SPIDR: variants seen among roughly 807,000 people sequenced by gnomAD.
SPIDR encodes the protein DNA repair-scaffolding protein.
SPIDR carries 93 observed loss-of-function variants against 104.6 expected under a neutral mutation model. The ratio of observed to expected loss-of-function variants is 0.89; its 90% CI spans 0.75 to 1.06. The LOEUF (loss-of-function observed/expected upper bound fraction) is 1.06. SPIDR is among the 50% of genes least tolerant of loss of function. The pLI, the probability that SPIDR is intolerant of heterozygous loss-of-function variation, is 0.00. For missense variants in SPIDR, 1,154 were observed against 1,111.2 expected (o/e 1.04, Z -0.55); for synonymous variants, 431 against 416.9 (o/e 1.03, Z -0.41).
intron 10 of SPIDR, among the ~76,000 whole-genome samples, chr8:47,619,875 A>G (rs947172779): frequency 5.9e-5 from 9 of 152,100 alleles, no homozygotes; most frequent in South Asian, 2.1e-4. Context: ...CATGTATTCT[A>G]TTTCCCCCAC....
At chr8:47,527,044 C>T (rs1308986924) in intron 8 of SPIDR, among the ~76,000 whole-genome samples, 1 of 152,044 alleles carries the variant, frequency 6.6e-6, no homozygotes, top group Non-Finnish European at 1.5e-5. Flanking sequence ...TCCAGGGGGT[C>T]CTGTCTTGGA....
chr8:47,635,924 T>C (rs2067852157), intron 10 of SPIDR, among the ~76,000 whole-genome samples: 1 of 152,192 alleles, frequency 6.6e-6, no homozygotes, highest in Admixed American at 6.5e-5. Context: ...TATTTCCTTA[T>C]ATGTAGAGAA....
At chr8:47,428,561 T>TA (rs1387078388) in intron 7 of SPIDR, among the ~76,000 whole-genome samples, 2 of 152,278 alleles carry the variant, frequency 1.3e-5, no homozygotes, top group African/African-American at 4.8e-5. Context: ...TTTTTGCCTT[T>TA]AAAATCTTTA....
At chr8:47,670,665 A>G (rs575392071) in intron 10 of SPIDR, among the ~76,000 whole-genome samples, 2 of 152,234 alleles carry the variant, frequency 1.3e-5, no homozygotes, top group South Asian at 2.1e-4. Flanking sequence ...TTAAGTTAAT[A>G]TCTTAACTCC....
At chr8:47,700,357 G>A in intron 11 of SPIDR, 46 bp from the exon 12 acceptor site, 1 of 1,592,224 alleles carries the variant, frequency 6.3e-7, no homozygotes, top group Non-Finnish European at 8.6e-7. Context: ...CAAGTACTCA[G>A]TAAGGGATGT....
chr8:47,499,113 G>C (rs2079914439), intron 8 of SPIDR, among the ~76,000 whole-genome samples: 1 of 152,150 alleles, frequency 6.6e-6, no homozygotes, highest in African/African-American at 2.4e-5. Context: ...CTTTACTGCT[G>C]TCTGCCCAGG....
chr8:47,576,073 C>T (rs1446296455), intron 8 of SPIDR, among the ~76,000 whole-genome samples: 1 of 151,246 alleles, frequency 6.6e-6, no homozygotes, highest in African/African-American at 2.4e-5. Context: ...CTACAATAGG[C>T]ATATTATAAA....
intron 1 of SPIDR, among the ~76,000 whole-genome samples, chr8:47,269,154 G>A (rs2034723998): frequency 1.3e-5 from 2 of 149,550 alleles, no homozygotes; most frequent in African/African-American, 2.5e-5. Flanking sequence ...GCAACAGAGT[G>A]AGACCCTCTC....
At chr8:47,338,874 T>G (rs1563667151) in intron 5 of SPIDR, among the ~76,000 whole-genome samples, 2 of 152,056 alleles carry the variant, frequency 1.3e-5, no homozygotes, top group Non-Finnish European at 1.5e-5. Flanking sequence ...CCAGCTGTTG[T>G]GGGGGGGTCA....
chr8:47,404,302 T>A (rs1554665809), intron 6 of SPIDR, among the ~76,000 whole-genome samples: 1 of 152,232 alleles, frequency 6.6e-6, no homozygotes, highest in East Asian at 1.9e-4. Context: ...AAGGACTTTA[T>A]GTCTAAAACA....
intron 10 of SPIDR, among the ~76,000 whole-genome samples, chr8:47,639,599 A>G (rs1265204611): frequency 6.6e-6 from 1 of 152,216 alleles, no homozygotes; most frequent in African/African-American, 2.4e-5. Context: ...ATATTCGACT[A>G]CATATTGAAT....
At chr8:47,516,825 T>G (rs1356064651) in intron 8 of SPIDR, among the ~76,000 whole-genome samples, 1 of 152,204 alleles carries the variant, frequency 6.6e-6, no homozygotes, top group Non-Finnish European at 1.5e-5. Context: ...ATTTTATGGT[T>G]TGACTTCTTA....
Position 47,502,638 on chromosome 8 carries a change from C to T in SPIDR, c.1097+62096C>T, listed in dbSNP as rs192470236. On this transcript the variant is annotated intron_variant, in intron 8 of 19. Coordinates refer to ENST00000297423, the MANE Select transcript of SPIDR (RefSeq NM_001080394.4). ...GGGTTTTTCGTGTCTCTATTTCCTT[C>T]GGTTCTGCTCTGATCTTAGTTATTT... Among the ~76,000 whole-genome samples, 191 of 152,212 alleles carry T rather than the reference C, an allele frequency of 1.3e-3. 1 individual carries two copies. The highest frequency in any genetic ancestry group is 2.5e-3 in the South Asian group (12 of 4,818).
At position 47,497,548 on chromosome 8, in the gene SPIDR, C is replaced by T. The variant is rs189036714; in HGVS notation, c.1097+57006C>T. Among the ~76,000 whole-genome samples, 42 of 152,238 alleles carry T rather than the reference C, an allele frequency of 2.8e-4. No individual in the cohort carries two copies. In the East Asian group the frequency reaches 4.4e-3, roughly 16 times the overall value. ...GTGCTGTTGATTTCAAATTTCATTTCGCCGTGGTCAAATAAGATACCTTGC... is the reference window on the plus strand; with the variant it reads ...GTGCTGTTGATTTCAAATTTCATTTTGCCGTGGTCAAATAAGATACCTTGC... On this transcript the variant is annotated intron_variant, in intron 8 of 19. Transcript: ENST00000297423.
At chr8:47,649,859 A>T (rs1386241028) in intron 10 of SPIDR, among the ~76,000 whole-genome samples, 1 of 152,248 alleles carries the variant, frequency 6.6e-6, no homozygotes, top group Non-Finnish European at 1.5e-5. Context: ...AACAAAAATC[A>T]TATGATCATT....
intron 5 of SPIDR, among the ~76,000 whole-genome samples, chr8:47,379,748 C>T (rs892554534): frequency 2.6e-5 from 4 of 152,148 alleles, no homozygotes; most frequent in Admixed American, 2.6e-4. Context: ...ACTTTATTCA[C>T]CTGAGTGTAT....
chr8:47,633,453 C>G (rs1003500747), intron 10 of SPIDR, among the ~76,000 whole-genome samples: 5 of 151,332 alleles, frequency 3.3e-5, no homozygotes, highest in African/African-American at 1.2e-4. Context: ...GGAGAATGTT[C>G]TCACCTGCTG....
In SPIDR at chr8:47,736,224, A is replaced by T. The variant is rs1172035589; in HGVS notation, c.*774A>T. 1 of 152,474 alleles carries T rather than the reference A, an allele frequency of 6.6e-6. No individual in the cohort carries two copies. The highest frequency in any genetic ancestry group is 1.5e-5 in the Non-Finnish European group (1 of 68,228). The allele number at this position is 152,474 out of a possible 1,614,324, so 9.4% of individuals were successfully genotyped here. A position where few individuals can be genotyped will look rare whatever the true frequency, so the allele number is the denominator to read the frequency against. On this transcript the variant is annotated 3_prime_UTR_variant, in exon 20 of 20. Coordinates refer to ENST00000297423, the MANE Select transcript of SPIDR (RefSeq NM_001080394.4). Reference sequence around the variant, plus strand: ...TTCCTTATAGCAATATAATCATGACAGGCCATGGTTAACTACATCAGATAC... The same window carrying T: ...TTCCTTATAGCAATATAATCATGACTGGCCATGGTTAACTACATCAGATAC...
chr8:47,350,458 C>T (rs1421697369), intron 5 of SPIDR, among the ~76,000 whole-genome samples: 4 of 152,122 alleles, frequency 2.6e-5, no homozygotes, highest in Non-Finnish European at 1.5e-5. Flanking sequence ...GGATTACAGG[C>T]GTGTGCCACC....
Sources: gnomAD v4.1 joint callset for allele counts (sites outside exome capture counted in the v4.1 genomes callset) on GRCh38, gnomAD v4.1.1 for gene constraint, MANE v1.5 for transcripts, NCBI Gene and HGNC (gene_info 2026-07-23, HGNC 2026-07-21) for gene names.